SBF2: variants seen among roughly 807,000 people sequenced by gnomAD.
The protein encoded by SBF2 is SET binding factor 2.
Under a neutral mutation model 225.2 loss-of-function variants are expected in SBF2, and 112 were observed. That is an observed-to-expected ratio of 0.50 (90% confidence interval 0.43 to 0.58). The LOEUF (loss-of-function observed/expected upper bound fraction) is 0.58, where lower values mean the gene tolerates loss of function less well. Among genes scored for constraint, SBF2 ranks in the 20% least tolerant of loss-of-function variants. The pLI is 0.00. For synonymous variants in SBF2, 763 were observed against 773.3 expected (o/e 0.99, Z 0.22); for missense variants, 1,996 against 2,206.2 (o/e 0.90, Z 1.91).
chr11:10,196,876 T>TTC (rs71034756), intron 1 of SBF2, among the ~76,000 whole-genome samples: 2 of 119,102 alleles, frequency 1.7e-5, no homozygotes, highest in Non-Finnish European at 3.7e-5. Context: ...ATTTTTTTTT[T>TTC]CCTACAAAAT....
intron 2 of SBF2, among the ~76,000 whole-genome samples, chr11:10,156,144 G>A (rs561917226): frequency 9.1e-4 from 139 of 152,288 alleles, no homozygotes; most frequent in African/African-American, 3.1e-3. Flanking sequence ...GCCTCTCCTC[G>A]CTCCCAGTGC....
chr11:10,251,071 C>T (rs1471027775), intron 1 of SBF2, among the ~76,000 whole-genome samples: 2 of 152,168 alleles, frequency 1.3e-5, no homozygotes, highest in Non-Finnish European at 2.9e-5. Context: ...ATTACGTGCA[C>T]TTATAGGGTA....
intron 32 of SBF2, among the ~76,000 whole-genome samples, chr11:9,804,870 A>G (rs1159880269): frequency 6.6e-6 from 1 of 152,144 alleles, no homozygotes; most frequent in Admixed American, 6.5e-5. Flanking sequence ...TTTGTTTTTC[A>G]TGCTACCCCT....
chr11:9,822,445 A>G (rs1854817382), intron 28 of SBF2, among the ~76,000 whole-genome samples: 1 of 152,062 alleles, frequency 6.6e-6, no homozygotes, highest in Non-Finnish European at 1.5e-5. Flanking sequence ...TATTTTTAGT[A>G]GAGACAGGGT....
chr11:9,962,211 C>T (rs1866619579), intron 15 of SBF2, 105 bp from the exon 16 acceptor site: 1 of 984,648 alleles, frequency 1.0e-6, no homozygotes. Flanking sequence ...ATTTATTTAA[C>T]ATAGTTATTA....
chr11:10,138,642 A>G (rs1395813096), intron 2 of SBF2, among the ~76,000 whole-genome samples: 1 of 152,014 alleles, frequency 6.6e-6, no homozygotes, highest in Non-Finnish European at 1.5e-5. Context: ...TGAATCTCAG[A>G]ATTTTGATAT....
chr11:10,300,282 C>A (rs1294483974), intron 1 of SBF2, among the ~76,000 whole-genome samples: 1 of 152,132 alleles, frequency 6.6e-6, no homozygotes, highest in African/African-American at 2.4e-5. Context: ...ATGTTGAGAA[C>A]TTAGCACAGT....
chr11:9,850,852 A>G (rs1856871929), intron 21 of SBF2, among the ~76,000 whole-genome samples: 1 of 152,182 alleles, frequency 6.6e-6, no homozygotes, highest in South Asian at 2.1e-4. Flanking sequence ...AAATATCCAG[A>G]AGGCTGGGTG....
intron 2 of SBF2, among the ~76,000 whole-genome samples, chr11:10,105,607 T>G (rs560010807): frequency 7.7e-4 from 117 of 152,298 alleles, no homozygotes; most frequent in Non-Finnish European, 1.2e-3. Context: ...AAAAGCTCAC[T>G]TTTTTATATT....
intron 2 of SBF2, among the ~76,000 whole-genome samples, chr11:10,182,881 C>G (rs1956793094): frequency 6.6e-6 from 1 of 152,006 alleles, no homozygotes; most frequent in African/African-American, 2.4e-5. Context: ...TCAAGTGATT[C>G]TCCCGCCTCA....
chr11:9,826,446 AAAAAAGTGAATTTTGT>A (rs1487057293), intron 28 of SBF2, among the ~76,000 whole-genome samples: 5 of 152,180 alleles, frequency 3.3e-5, no homozygotes, highest in African/African-American at 9.7e-5. Flanking sequence ...TTCAAAAGGG[AAAAAAGTGAATTTTGT>A]AAAAAGTGAA....
intron 12 of SBF2, among the ~76,000 whole-genome samples, chr11:9,990,002 G>C (rs1452944285): frequency 1.3e-5 from 2 of 152,114 alleles, no homozygotes; most frequent in South Asian, 2.1e-4. Context: ...TGTGATCTGG[G>C]ACAAGGCACT....
At chr11:9,953,843 A>G (rs574575727) in intron 16 of SBF2, among the ~76,000 whole-genome samples, 2 of 152,326 alleles carry the variant, frequency 1.3e-5, no homozygotes, top group Admixed American at 6.5e-5. Flanking sequence ...TTTCTATGTT[A>G]GTGAGAAGGT....
intron 28 of SBF2, among the ~76,000 whole-genome samples, chr11:9,820,400 C>T (rs574504523): frequency 6.6e-6 from 1 of 152,172 alleles, no homozygotes; most frequent in Non-Finnish European, 1.5e-5. Context: ...CAAGATGGAA[C>T]GAAGGCTTGG....
chr11:9,836,921 C>T (rs1010375042), intron 26 of SBF2, among the ~76,000 whole-genome samples: 8 of 152,020 alleles, frequency 5.3e-5, no homozygotes, highest in South Asian at 4.1e-4. Context: ...TTGTAAATGA[C>T]CTTGTACTAG....
At chr11:9,935,396 T>C (rs532076397) in intron 16 of SBF2, among the ~76,000 whole-genome samples, 1 of 152,260 alleles carries the variant, frequency 6.6e-6, no homozygotes, top group South Asian at 2.1e-4. Context: ...AATTTATATA[T>C]TCAATGCCAT....
intron 2 of SBF2, among the ~76,000 whole-genome samples, chr11:10,191,759 T>C (rs972638164): frequency 1.3e-5 from 2 of 152,208 alleles, no homozygotes; most frequent in Non-Finnish European, 2.9e-5. Flanking sequence ...GTGTCTGTCA[T>C]ACAAAGAGAA....
intron 16 of SBF2, among the ~76,000 whole-genome samples, chr11:9,934,263 A>G (rs1337840422): frequency 6.6e-6 from 1 of 152,232 alleles, no homozygotes; most frequent in Non-Finnish European, 1.5e-5. Flanking sequence ...ACCTGGAAGA[A>G]GTTGAATCTC....
intron 26 of SBF2, among the ~76,000 whole-genome samples, chr11:9,833,663 G>A (rs928822237): frequency 2.0e-5 from 3 of 151,802 alleles, no homozygotes; most frequent in Admixed American, 2.0e-4. Context: ...CTCGTGATCT[G>A]CCCACCTTGG....
Sources: allele counts gnomAD v4.1 joint callset (sites outside exome capture counted in the v4.1 genomes callset), GRCh38; gene constraint gnomAD v4.1.1; transcripts MANE v1.5; gene names NCBI Gene and HGNC (gene_info 2026-07-23, HGNC 2026-07-21).